REPS2: variants seen among roughly 807,000 people sequenced by gnomAD.
REPS2 encodes RALBP1 associated Eps domain containing 2, also known as ralBP1-associated Eps domain-containing protein 2.
REPS2 carries 23 observed loss-of-function variants against 53.6 expected under a neutral mutation model. The ratio of observed to expected loss-of-function variants is 0.43; its 90% confidence interval spans 0.31 to 0.61. The LOEUF is 0.61. Ranked by LOEUF, REPS2 falls within the 20% of genes least tolerant of loss-of-function variation. The probability of loss-of-function intolerance (pLI) is 0.11; values close to 1 mark genes in which losing one functional copy is unlikely to be tolerated. For synonymous variants in REPS2, 238 were observed against 218.6 expected (o/e 1.09, Z -0.78); for missense variants, 446 against 534.9 (o/e 0.83, Z 1.64).
intron 17 of REPS2, among the ~76,000 whole-genome samples, chrX:17,141,428 A>T (rs1160431769): frequency 8.9e-6 from 1 of 112,290 alleles, no homozygotes; most frequent in Non-Finnish European, 1.9e-5. Context: ...CAGTTTGGTT[A>T]TCAATTCTAT....
chrX:17,101,798 T>G (rs980876411), intron 13 of REPS2, among the ~76,000 whole-genome samples: 2 of 111,652 alleles, frequency 1.8e-5, no homozygotes, highest in African/African-American at 6.5e-5. Flanking sequence ...TTCTAGTGCC[T>G]TGAAAACTGT....
the REPS2 span, among the ~76,000 whole-genome samples, chrX:17,185,040 G>A: frequency 9.0e-6 from 1 of 111,460 alleles, no homozygotes; most frequent in Non-Finnish European, 1.9e-5. Context: ...TGGGTTGCCA[G>A]TTTGGTCTAG....
At chrX:17,178,762 T>TA in the REPS2 span, among the ~76,000 whole-genome samples, 1 of 111,019 alleles carries the variant, frequency 9.0e-6, no homozygotes, top group South Asian at 3.9e-4. Context: ...ACCCTGTCTC[T>TA]ACTAAAAATA....
rs764524229 is a variant in REPS2 at position 17,149,708 on chromosome X, A to G, written c.*2227A>G. ...GCACTTTATCTCATAATCTTCCAGT[A>G]CATATGCTCTCAGTTGGGATAGCAG... On this transcript the variant is annotated 3_prime_UTR_variant, in exon 18 of 18. Coordinates refer to ENST00000357277, the MANE Select transcript of REPS2 (RefSeq NM_004726.3). 1.8e-5 allele frequency: 2 copies of G among 112,447 alleles called. No homozygotes were observed. Among genetic ancestry groups the G allele is most frequent in the African/African-American group, 3.2e-5 (1 of 30,955 alleles). The allele number at this position is 112,447 out of a possible 1,213,427, so 9.3% of individuals were successfully genotyped here.
intron 1 of REPS2, among the ~76,000 whole-genome samples, chrX:17,005,051 G>C (rs985967855): frequency 1.8e-5 from 2 of 111,378 alleles, no homozygotes; most frequent in African/African-American, 6.5e-5. Context: ...CTCAATGTTG[G>C]AACTACACTA....
the REPS2 span, among the ~76,000 whole-genome samples, chrX:17,159,775 A>G: frequency 1.8e-5 from 2 of 111,472 alleles, no homozygotes; most frequent in Non-Finnish European, 1.9e-5. Flanking sequence ...GAAATAGAAG[A>G]TGTGACCCCT....
chrX:17,167,993 C>G, the REPS2 span, among the ~76,000 whole-genome samples: 2 of 111,560 alleles, frequency 1.8e-5, no homozygotes, highest in African/African-American at 6.5e-5. Context: ...GGAAATTATA[C>G]CTGACATTTT....
chrX:17,093,566 T>C (rs2062655783), intron 13 of REPS2, among the ~76,000 whole-genome samples: 1 of 110,039 alleles, frequency 9.1e-6, no homozygotes, highest in Non-Finnish European at 1.9e-5. Flanking sequence ...TGCTGCAGGG[T>C]TTTAAAATGT....
chrX:17,160,725 G>C, the REPS2 span, among the ~76,000 whole-genome samples: 2 of 112,425 alleles, frequency 1.8e-5, no homozygotes, highest in Non-Finnish European at 3.8e-5. Context: ...GGGTGAAGCT[G>C]AGAGCCCAGA....
At chrX:17,085,629 C>T (rs923402336) in intron 13 of REPS2, among the ~76,000 whole-genome samples, 6 of 111,674 alleles carry the variant, frequency 5.4e-5, no homozygotes, top group African/African-American at 1.9e-4. Context: ...TTTTGATATA[C>T]ATTATACATT....
rs148342147 is a variant in REPS2, at chrX:17,072,705, C to T, written c.1334-1409C>T. The stretch of plus-strand genomic sequence containing the variant: ...CACGGAGCCAGCTGCAGGCAGCCTG[C>T]GTAGAGGGCTTCCCCAGCTCTGTGG... On this transcript the variant is annotated intron_variant, in intron 11 of 17. Transcript: ENST00000357277. Among the ~76,000 whole-genome samples the T allele has an allele frequency of 1.3e-3, 149 of 112,417 alleles. 1 individual carries two copies. In the East Asian group the frequency reaches 0.019, roughly 14 times the overall value.
the REPS2 span, among the ~76,000 whole-genome samples, chrX:17,162,857 A>G: frequency 2.7e-5 from 3 of 112,307 alleles, no homozygotes; most frequent in Admixed American, 1.9e-4. Context: ...CAACAACACC[A>G]AACAGCAACA....
chrX:16,953,118 CACACACACACACACACACACACACACAA>C (rs2060540722), intron 1 of REPS2, among the ~76,000 whole-genome samples: 2 of 86,433 alleles, frequency 2.3e-5, no homozygotes, highest in Non-Finnish European at 4.7e-5. Flanking sequence ...CACACACACA[CACACACACACACACACACACACACACAA>C]ACACACAAAC....
At chrX:17,129,265 A>C (rs899450298) in intron 14 of REPS2, among the ~76,000 whole-genome samples, 3 of 112,383 alleles carry the variant, frequency 2.7e-5, no homozygotes, top group Non-Finnish European at 5.6e-5. Flanking sequence ...TGCTTTCCAC[A>C]TCCCAAGCCT....
intron 1 of REPS2, among the ~76,000 whole-genome samples, chrX:16,966,094 A>G (rs994183230): frequency 2.7e-5 from 3 of 112,246 alleles, no homozygotes; most frequent in Non-Finnish European, 5.6e-5. Flanking sequence ...TCAGAGGGAG[A>G]CTGTGGAAAG....
At chrX:17,024,706 G>A (rs1331842233) in intron 3 of REPS2, among the ~76,000 whole-genome samples, 2 of 111,510 alleles carry the variant, frequency 1.8e-5, no homozygotes, top group African/African-American at 6.5e-5. Flanking sequence ...ATTAATGAAT[G>A]AAAATGAAAT....
intron 1 of REPS2, among the ~76,000 whole-genome samples, chrX:16,982,726 C>T (rs759160263): frequency 4.5e-5 from 5 of 111,935 alleles, no homozygotes; most frequent in Non-Finnish European, 9.4e-5. Flanking sequence ...TGCCTTCTTC[C>T]AGGCAGAAGC....
At chrX:17,131,375 G>C in intron 14 of REPS2, among the ~76,000 whole-genome samples, 1 of 111,594 alleles carries the variant, frequency 9.0e-6, no homozygotes, top group South Asian at 3.8e-4. Flanking sequence ...CGTGTTAAAT[G>C]GGGGTATGTT....
the REPS2 span, among the ~76,000 whole-genome samples, chrX:17,168,840 T>C: frequency 8.9e-6 from 1 of 111,864 alleles, no homozygotes; most frequent in South Asian, 3.8e-4. Flanking sequence ...CAGTAGTAGT[T>C]TTGAACTTCC....
Sources: gnomAD v4.1 joint callset for allele counts (sites outside exome capture counted in the v4.1 genomes callset) on GRCh38, gnomAD v4.1.1 for gene constraint, MANE v1.5 for transcripts, NCBI Gene and HGNC (gene_info 2026-07-23, HGNC 2026-07-21) for gene names.